Variants in GRIK2 observed in about 807,000 individuals in gnomAD.
The protein encoded by GRIK2 is glutamate ionotropic receptor kainate type subunit 2.
A neutral mutation model predicts 100.3 loss-of-function variants in GRIK2; 32 were observed. The observed-to-expected ratio is 0.32, with a 90% CI of 0.24 to 0.43. The LOEUF (loss-of-function observed/expected upper bound fraction) is 0.43, where lower values mean the gene tolerates loss of function less well. Among genes scored for constraint, GRIK2 ranks in the 20% least tolerant of loss-of-function variants. The probability of loss-of-function intolerance (pLI) is 1.00; values close to 1 mark genes in which losing one functional copy is unlikely to be tolerated. For missense variants in GRIK2, 843 were observed against 1,114.9 expected, an observed-to-expected ratio of 0.76 and a Z score of 3.47; for synonymous variants, 417 against 389.4, an observed-to-expected ratio of 1.07 and a Z score of -0.83.
chr6:101,488,806 T>C (rs1056817206), intron 2 of GRIK2, among the ~76,000 whole-genome samples: 1 of 146,246 alleles, frequency 6.8e-6, no homozygotes, highest in Non-Finnish European at 1.5e-5. Flanking sequence ...ATGGATGACT[T>C]TGTAAAAACA....
chr6:101,545,988 C>T (rs150509371), intron 2 of GRIK2, among the ~76,000 whole-genome samples: 12 of 150,746 alleles, frequency 8.0e-5, no homozygotes, highest in African/African-American at 2.9e-4. Context: ...TTTTTTCATT[C>T]TCCTGCATCC....
At chr6:101,876,077 T>C (rs556849785) in intron 11 of GRIK2, among the ~76,000 whole-genome samples, 1 of 151,708 alleles carries the variant, frequency 6.6e-6, no homozygotes, top group African/African-American at 2.4e-5. Flanking sequence ...AAAAACTTAA[T>C]TTGAGTTCAC....
At chr6:101,680,210 C>G (rs1024758863) in intron 5 of GRIK2, among the ~76,000 whole-genome samples, 1 of 152,138 alleles carries the variant, frequency 6.6e-6, no homozygotes, top group Non-Finnish European at 1.5e-5. Context: ...TATGTCAGAA[C>G]AAATCATCTT....
intron 4 of GRIK2, among the ~76,000 whole-genome samples, chr6:101,635,889 T>G (rs1780985198): frequency 6.6e-6 from 1 of 152,170 alleles, no homozygotes; most frequent in Non-Finnish European, 1.5e-5. Context: ...AGCAATGCTT[T>G]TACACTGTTG....
At chr6:101,591,775 G>A (rs1778653303) in intron 2 of GRIK2, among the ~76,000 whole-genome samples, 1 of 151,940 alleles carries the variant, frequency 6.6e-6, no homozygotes, top group African/African-American at 2.4e-5. Flanking sequence ...TTAGCTAAGA[G>A]TTTCTGGGAG....
intron 4 of GRIK2, among the ~76,000 whole-genome samples, chr6:101,645,172 A>G (rs868744570): frequency 6.6e-6 from 1 of 151,938 alleles, no homozygotes; most frequent in African/African-American, 2.4e-5. Context: ...AGAAAAAAAA[A>G]AAAACTAAAA....
At chr6:101,555,071 A>G (rs559615117) in intron 2 of GRIK2, among the ~76,000 whole-genome samples, 1 of 152,302 alleles carries the variant, frequency 6.6e-6, no homozygotes, top group Non-Finnish European at 1.5e-5. Flanking sequence ...AGTAAAGTTG[A>G]AGGAAATATG....
intron 2 of GRIK2, among the ~76,000 whole-genome samples, chr6:101,552,655 C>T (rs1776564585): frequency 6.6e-6 from 1 of 152,164 alleles, no homozygotes; most frequent in Admixed American, 6.6e-5. Flanking sequence ...AGATGCTTCA[C>T]TGCACATAAT....
intron 2 of GRIK2, among the ~76,000 whole-genome samples, chr6:101,603,547 G>A (rs148177873): frequency 5.5e-4 from 84 of 151,710 alleles, no homozygotes; most frequent in African/African-American, 1.8e-3. Flanking sequence ...GCTACTCTCC[G>A]CAAAGTCTGA....
intron 7 of GRIK2, among the ~76,000 whole-genome samples, chr6:101,717,551 G>A (rs2128362852): frequency 6.6e-6 from 1 of 151,812 alleles, no homozygotes; most frequent in Middle Eastern, 3.4e-3. Context: ...TGTTGCAATA[G>A]GAATTAAGAT....
intron 2 of GRIK2, among the ~76,000 whole-genome samples, chr6:101,470,339 A>G (rs1771879737): frequency 6.6e-6 from 1 of 152,070 alleles, no homozygotes; most frequent in Non-Finnish European, 1.5e-5. Flanking sequence ...ACACTCTTAT[A>G]TTCTTGCCAT....
chr6:101,493,071 C>A (rs1773227123), intron 2 of GRIK2, among the ~76,000 whole-genome samples: 1 of 151,650 alleles, frequency 6.6e-6, no homozygotes, highest in African/African-American at 2.4e-5. Context: ...AATTAGTGAA[C>A]TTAAAGATCT....
chr6:102,052,072 G>A (rs550934763), intron 15 of GRIK2, among the ~76,000 whole-genome samples: 1 of 152,228 alleles, frequency 6.6e-6, no homozygotes, highest in Non-Finnish European at 1.5e-5. Context: ...AGGGAGAATG[G>A]AAGATTCTTT....
intron 9 of GRIK2, among the ~76,000 whole-genome samples, chr6:101,807,400 A>G (rs138625135): frequency 1.1e-4 from 16 of 152,106 alleles, no homozygotes; most frequent in African/African-American, 3.9e-4. Flanking sequence ...CTATTTATAA[A>G]TGTTCCTTTT....
At chr6:101,624,894 G>A (rs547117593) in intron 3 of GRIK2, among the ~76,000 whole-genome samples, 2 of 152,156 alleles carry the variant, frequency 1.3e-5, no homozygotes, top group South Asian at 4.1e-4. Flanking sequence ...ACCATGCCCA[G>A]CTGAATTTTT....
chr6:101,910,817 A>G (rs1788624992), intron 12 of GRIK2, among the ~76,000 whole-genome samples: 1 of 134,336 alleles, frequency 7.4e-6, no homozygotes, highest in Admixed American at 7.2e-5. Flanking sequence ...AGGGGGTCAC[A>G]GTAAAATAAT....
chr6:101,546,998 T>A (rs1483014510), intron 2 of GRIK2, among the ~76,000 whole-genome samples: 2 of 150,532 alleles, frequency 1.3e-5, no homozygotes, highest in South Asian at 2.1e-4. Context: ...GCCCAGCTAA[T>A]TTTTTTGTAT....
intron 15 of GRIK2, among the ~76,000 whole-genome samples, chr6:102,050,402 C>A (rs2114487235): frequency 6.6e-6 from 1 of 151,910 alleles, no homozygotes; most frequent in Non-Finnish European, 1.5e-5. Flanking sequence ...GCCTGTAATC[C>A]CAGCACTTTG....
At chr6:102,063,537 ATGTGG>A (rs1292027389) in intron 16 of GRIK2, among the ~76,000 whole-genome samples, 1 of 150,800 alleles carries the variant, frequency 6.6e-6, no homozygotes, top group Non-Finnish European at 1.5e-5. Context: ...TCAATTATCA[ATGTGG>A]AGCATGATTT....
Sources: allele counts gnomAD v4.1 joint callset (sites outside exome capture counted in the v4.1 genomes callset), GRCh38; gene constraint gnomAD v4.1.1; transcripts MANE v1.5; gene names NCBI Gene and HGNC (gene_info 2026-07-23, HGNC 2026-07-21).